PALM2AKAP2: variants seen among roughly 807,000 people sequenced by gnomAD.
The protein encoded by PALM2AKAP2 is PALM2 and AKAP2 fusion, also known as PALM2-AKAP2 fusion protein.
In PALM2AKAP2, 37 loss-of-function variants were observed where a neutral mutation model predicts 71.5. The observed-to-expected ratio is 0.52, with a 90% CI of 0.40 to 0.68. PALM2AKAP2 has a LOEUF of 0.68. PALM2AKAP2 is among the 30% of genes least tolerant of loss of function. The probability of loss-of-function intolerance (pLI) is 0.00; values close to 1 mark genes in which losing one functional copy is unlikely to be tolerated. For synonymous variants in PALM2AKAP2, 468 were observed against 478.8 expected, an observed-to-expected ratio of 0.98 and a Z score of 0.29; for missense variants, 1,224 against 1,191.8, an observed-to-expected ratio of 1.03 and a Z score of -0.40.
intron 3 of PALM2AKAP2, among the ~76,000 whole-genome samples, chr9:109,893,435 G>A (rs1359891070): frequency 2.5e-5 from 3 of 120,124 alleles, no homozygotes; most frequent in East Asian, 4.0e-4. Context: ...TATCTCAGCA[G>A]GGGTTTCGTT....
exon 1 of PALM2AKAP2, chr9:110,048,762 G>T: frequency 6.5e-7 from 1 of 1,537,662 alleles, no homozygotes; most frequent in Non-Finnish European, 8.7e-7. Context: ...GACCCCCGGA[G>T]TCTCCTGGAC....
chr9:110,160,172 A>G (rs1836560855), intron 3 of PALM2AKAP2, among the ~76,000 whole-genome samples: 1 of 152,100 alleles, frequency 6.6e-6, no homozygotes, highest in Non-Finnish European at 1.5e-5. Flanking sequence ...AGATATGAAG[A>G]TGCAGCCCTG....
intron 1 of PALM2AKAP2, among the ~76,000 whole-genome samples, chr9:109,856,706 G>C (rs902981258): frequency 7.2e-5 from 11 of 152,058 alleles, no homozygotes. Flanking sequence ...TAGACAATTG[G>C]TGTTTCCTTC....
intron 1 of PALM2AKAP2, among the ~76,000 whole-genome samples, chr9:110,133,491 G>A (rs777528334): frequency 1.4e-4 from 21 of 152,018 alleles, no homozygotes; most frequent in Non-Finnish European, 2.2e-4. Flanking sequence ...TTTAATGAAC[G>A]GATTAATTAA....
At chr9:109,911,878 A>G (rs1023440084) in intron 3 of PALM2AKAP2, among the ~76,000 whole-genome samples, 5 of 152,186 alleles carry the variant, frequency 3.3e-5, no homozygotes, top group Non-Finnish European at 7.3e-5. Context: ...GGAAGGATAA[A>G]TATATTTTTA....
At chr9:109,872,903 C>T (rs1213317883) in intron 2 of PALM2AKAP2, among the ~76,000 whole-genome samples, 2 of 152,194 alleles carry the variant, frequency 1.3e-5, no homozygotes, top group African/African-American at 4.8e-5. Flanking sequence ...TAGATCTCCT[C>T]CCTTGTTTCC....
chr9:109,806,582 A>C (rs1475754410), intron 1 of PALM2AKAP2, among the ~76,000 whole-genome samples: 1 of 152,234 alleles, frequency 6.6e-6, no homozygotes, highest in Non-Finnish European at 1.5e-5. Flanking sequence ...TAGAATGTTC[A>C]AGAAAAACCT....
At chr9:110,022,564 A>T (rs260192) in intron 7 of PALM2AKAP2, among the ~76,000 whole-genome samples, 19,151 of 145,574 alleles carry the variant, frequency 0.13, 1,363 homozygotes, top group East Asian at 0.3. Context: ...TTTTTTCTTT[A>T]TTTTTATTTT....
intron 1 of PALM2AKAP2, among the ~76,000 whole-genome samples, chr9:109,658,160 A>G (rs1827335652): frequency 6.6e-6 from 1 of 152,032 alleles, no homozygotes; most frequent in Non-Finnish European, 1.5e-5. Flanking sequence ...TTCAGATGGA[A>G]ATGCTGAGAG....
At chr9:110,034,480 A>G (rs750172636) in intron 7 of PALM2AKAP2, among the ~76,000 whole-genome samples, 5 of 152,046 alleles carry the variant, frequency 3.3e-5, no homozygotes, top group Non-Finnish European at 7.4e-5. Context: ...TTCTTGGGGA[A>G]TGCAGAGCCA....
chr9:109,870,297 A>G (rs1414587221), intron 2 of PALM2AKAP2, among the ~76,000 whole-genome samples: 2 of 152,354 alleles, frequency 1.3e-5, no homozygotes, highest in Non-Finnish European at 1.5e-5. Flanking sequence ...TTCACTTTAA[A>G]TCAATAAACT....
intron 1 of PALM2AKAP2, among the ~76,000 whole-genome samples, chr9:109,701,205 A>G (rs893373425): frequency 2.0e-5 from 3 of 152,190 alleles, no homozygotes; most frequent in Non-Finnish European, 1.5e-5. Context: ...TCCCCATCAA[A>G]CTACCAATGA....
At chr9:110,032,684 C>A in intron 7 of PALM2AKAP2, among the ~76,000 whole-genome samples, 1 of 144,220 alleles carries the variant, frequency 6.9e-6, no homozygotes, top group Non-Finnish European at 1.5e-5. Context: ...GAGTGAGATT[C>A]TGTCTCAAAA....
chr9:110,149,262 C>T (rs1306754367), intron 2 of PALM2AKAP2, among the ~76,000 whole-genome samples: 8 of 152,244 alleles, frequency 5.3e-5, no homozygotes, highest in African/African-American at 1.9e-4. Flanking sequence ...CCTTGCAATG[C>T]TACAGTCTTG....
At chr9:109,683,893 GTTATA>G (rs141238580) in intron 1 of PALM2AKAP2, among the ~76,000 whole-genome samples, 250 of 151,194 alleles carry the variant, frequency 1.7e-3, no homozygotes, top group African/African-American at 5.7e-3. Context: ...GTGTATATTG[GTTATA>G]TTATAACTGA....
At chr9:110,059,868 A>T (rs184204964) in intron 1 of PALM2AKAP2, among the ~76,000 whole-genome samples, 106 of 152,224 alleles carry the variant, frequency 7.0e-4, no homozygotes, top group African/African-American at 2.4e-3. Context: ...ATTATCAGTT[A>T]TGCTCAGAAA....
At chr9:110,133,443 A>G (rs1266566949) in intron 1 of PALM2AKAP2, among the ~76,000 whole-genome samples, 1 of 152,096 alleles carries the variant, frequency 6.6e-6, no homozygotes, top group Non-Finnish European at 1.5e-5. Flanking sequence ...TGTTGCTGCT[A>G]ATTTCATTAT....
At chr9:109,925,656 G>C (rs1001602837) in intron 5 of PALM2AKAP2, among the ~76,000 whole-genome samples, 2 of 152,110 alleles carry the variant, frequency 1.3e-5, no homozygotes, top group East Asian at 1.9e-4. Context: ...GGTAGGAGTG[G>C]GGTCCTGGCT....
At chr9:110,009,465 A>G (rs1832839268) in intron 6 of PALM2AKAP2, among the ~76,000 whole-genome samples, 2 of 152,090 alleles carry the variant, frequency 1.3e-5, no homozygotes, top group East Asian at 3.9e-4. Flanking sequence ...CTGTAATCCC[A>G]GCACTTTGGG....
Sources: gnomAD v4.1 joint callset for allele counts (sites outside exome capture counted in the v4.1 genomes callset) on GRCh38, gnomAD v4.1.1 for gene constraint, MANE v1.5 for transcripts, NCBI Gene and HGNC (gene_info 2026-07-23, HGNC 2026-07-21) for gene names.